VIPR2: variants seen among roughly 807,000 people sequenced by gnomAD.
The protein encoded by VIPR2 is vasoactive intestinal polypeptide receptor 2.
A neutral mutation model predicts 58.0 loss-of-function variants in VIPR2; 48 were observed. That is an observed-to-expected ratio of 0.83 (90% CI 0.66 to 1.05). The LOEUF (loss-of-function observed/expected upper bound fraction) is 1.05, where lower values mean the gene tolerates loss of function less well. Among genes scored for constraint, VIPR2 ranks in the 50% least tolerant of loss-of-function variants. The probability of loss-of-function intolerance (pLI) is 0.00; values close to 1 mark genes in which losing one functional copy is unlikely to be tolerated. For missense variants in VIPR2, 534 were observed against 558.0 expected, an observed-to-expected ratio of 0.96 and a Z score of 0.43; for synonymous variants, 243 against 235.2, an observed-to-expected ratio of 1.03 and a Z score of -0.30.
In VIPR2 at chr7:159,144,806, C is replaced by T. The variant is rs1277017727; in HGVS notation, c.-35G>A. 3 of 1,241,320 alleles carry T rather than the reference C, an allele frequency of 2.4e-6. No homozygotes were observed. Among genetic ancestry groups the T allele is most frequent in the African/African-American group, 1.6e-5 (1 of 64,392 alleles). The allele number at this position is 1,241,320 out of a possible 1,614,324, so 76.9% of individuals were successfully genotyped here. On this transcript the variant is annotated 5_prime_UTR_variant, in exon 1 of 13. Transcript: ENST00000262178. ...AGCGTGCCGGGGGCCGCCCAGCGCCCGCCGCCTCCGTCCTAGGTCCCCGCG... is the reference window on the plus strand; with the variant it reads ...AGCGTGCCGGGGGCCGCCCAGCGCCTGCCGCCTCCGTCCTAGGTCCCCGCG...
intron 10 of VIPR2, among the ~76,000 whole-genome samples, chr7:159,033,302 A>G (rs1853703460): frequency 6.6e-6 from 1 of 152,058 alleles, no homozygotes. Context: ...GGTGGGAGAA[A>G]AGGGAAATGC....
At position 159,083,766 on chromosome 7, in the gene VIPR2, C is replaced by A. The variant is rs79862903; in HGVS notation, c.357+19991G>T. 7.0e-4 allele frequency among the ~76,000 whole-genome samples: 106 copies of A among 152,334 alleles called. 1 individual carries two copies. The East Asian group carries it at 0.017, about 24-fold the overall frequency. The stretch of plus-strand genomic sequence containing the variant: ...GTGACAAGCAACATTTGGAAGAGAA[C>A]CTGTGGTTTTGTGAGGTGTCTGCAC... On this transcript the variant is annotated intron_variant, in intron 4 of 12. Coordinates refer to ENST00000262178, the MANE Select transcript of VIPR2 (RefSeq NM_003382.5).
Position 159,043,082 on chromosome 7 carries a change from A to C in VIPR2, c.550T>G (p.Tyr184Asp). Residue 184 changes from tyrosine (Y) to aspartate (D), a missense_variant, in exon 6 of 13, where the codon TAC becomes GAC. Tyr to Asp is a radical substitution (Grantham distance 160, BLOSUM62 -3). Coordinates refer to ENST00000262178, the MANE Select transcript of VIPR2 (RefSeq NM_003382.5). ...ISVLVKDDVL[Y>D]SSSGTLHCPD... ...CAGTGCAACGTGCCAGAGCTGGAGT[A>C]GAGAACGTCGTCCTTGACCAGCACT... 6.2e-7 allele frequency: 1 copy of C among 1,614,208 alleles called. No individual in the cohort carries two copies.
intron 2 of VIPR2, among the ~76,000 whole-genome samples, chr7:159,131,309 G>A (rs1172895643): frequency 6.6e-6 from 1 of 152,064 alleles, no homozygotes; most frequent in Non-Finnish European, 1.5e-5. Flanking sequence ...CAAAGGAAAA[G>A]TTAAGGATGG....
rs1274271306 is a variant in VIPR2 at position 159,096,429 on chromosome 7, GCT to G, written c.357+7326_357+7327del. Among the ~76,000 whole-genome samples the G allele has an allele frequency of 6.6e-6, 1 of 152,160 alleles. No individual in the cohort carries two copies. Among genetic ancestry groups the G allele is most frequent in the Non-Finnish European group, 1.5e-5 (1 of 68,040 alleles). ...CCTGTGCTGCACATCATCCTGGTGT[GCT>G]CCTCCATCCTTCCACCTTCCTGATC... On this transcript the variant is annotated intron_variant, in intron 4 of 12. Transcript: ENST00000262178. This position sits in a 1 kb window ranked among gnomAD's most constrained non-coding sequence, Gnocchi z 5.5.
At chr7:159,035,862 A>C in intron 8 of VIPR2, 90 bp downstream of exon 8, 7 of 1,532,846 alleles carry the variant, frequency 4.6e-6, no homozygotes, top group Non-Finnish European at 6.2e-6. Context: ...CTGTCCTTCC[A>C]ACCAGGTAAC....
intron 2 of VIPR2, among the ~76,000 whole-genome samples, chr7:159,118,245 C>T (rs537773507): frequency 2.5e-4 from 38 of 152,194 alleles, no homozygotes; most frequent in African/African-American, 7.7e-4. Context: ...CTGCAATCCT[C>T]GCCGCTTCTG....
At chr7:159,063,945 C>T (rs1176475607) in intron 4 of VIPR2, among the ~76,000 whole-genome samples, 1 of 143,178 alleles carries the variant, frequency 7.0e-6, no homozygotes, top group Non-Finnish European at 1.5e-5. Context: ...ATCTGGGGGG[C>T]CTGGCGGGGT....
At chr7:159,129,270 G>A (rs898732958) in intron 2 of VIPR2, among the ~76,000 whole-genome samples, 296 of 125,928 alleles carry the variant, frequency 2.4e-3, no homozygotes, top group African/African-American at 5.2e-3. Flanking sequence ...GCCTCTGGGG[G>A]GGACAGGGCT....
chr7:159,030,714 C>G lies in VIPR2; in HGVS notation c.1219G>C (p.Gly407Arg), dbSNP rs761926470. 6.3e-7 allele frequency: 1 copy of G among 1,593,842 alleles called. No individual in the cohort carries two copies. Among genetic ancestry groups the G allele is most frequent in the East Asian group, 2.3e-5 (1 of 43,916 alleles). The part of the protein sequence containing the change: ...PSASRDYRVC[G>R]SSFSRNGSEG... ...GAGCCGTTGCGGGAGAAGGAGGAACCGCAGACCCTGTAATCCCGGCTCGCG... is the reference window on the plus strand; with the variant it reads ...GAGCCGTTGCGGGAGAAGGAGGAACGGCAGACCCTGTAATCCCGGCTCGCG... The change falls in exon 13 of 13, where the codon GGT (glycine) becomes CGT (arginine). Residue 407 changes from glycine (G) to arginine (R), a missense_variant. Coordinates refer to ENST00000262178, the MANE Select transcript of VIPR2 (RefSeq NM_003382.5).
intron 4 of VIPR2, among the ~76,000 whole-genome samples, chr7:159,063,105 C>T (rs1409093242): frequency 2.0e-5 from 3 of 152,226 alleles, no homozygotes; most frequent in African/African-American, 7.2e-5. Context: ...TGCACCGGGC[C>T]GCAGGCGGAG....
At chr7:159,138,634 A>C (rs553633929) in intron 2 of VIPR2, among the ~76,000 whole-genome samples, 134 of 152,380 alleles carry the variant, frequency 8.8e-4, no homozygotes, top group African/African-American at 3.2e-3. Context: ...CTGAAATACA[A>C]AACAGAAAAG....
intron 4 of VIPR2, among the ~76,000 whole-genome samples, chr7:159,062,768 C>T (rs549098686): frequency 6.6e-6 from 1 of 152,186 alleles, no homozygotes; most frequent in Non-Finnish European, 1.5e-5. Context: ...AGGCTCCGGC[C>T]GCCTGCTTTT....
At chr7:159,094,494 G>C (rs1274403844) in intron 4 of VIPR2, among the ~76,000 whole-genome samples, 1 of 152,236 alleles carries the variant, frequency 6.6e-6, no homozygotes, top group Non-Finnish European at 1.5e-5. Flanking sequence ...CACGTGCACA[G>C]GCACCGGAGA....
At chr7:159,043,243 C>G (rs958622825) in intron 5 of VIPR2, 67 bp from the exon 6 acceptor site, 3 of 1,399,084 alleles carry the variant, frequency 2.1e-6, no homozygotes, top group Admixed American at 2.1e-5. Flanking sequence ...GAGAACCAGA[C>G]AGAGATGAGA....
In VIPR2 at chr7:159,031,317, G is replaced by C. The variant is rs1430012405; in HGVS notation, c.1143+511C>G. On this transcript the variant is annotated intron_variant, in intron 12 of 12. Transcript: ENST00000262178. The surrounding 1 kb of genome is among the most constrained non-coding windows in gnomAD (Gnocchi z 4.0). ...AAGAAAGCGCCAGCAACCGCAGCGTGGGGCGGGAGGGTCAGGGGTCAGGGG... is the reference window on the plus strand; with the variant it reads ...AAGAAAGCGCCAGCAACCGCAGCGTCGGGCGGGAGGGTCAGGGGTCAGGGG... Among the ~76,000 whole-genome samples the C allele has an allele frequency of 6.6e-6, 1 of 152,144 alleles. No homozygotes were observed. Among genetic ancestry groups the C allele is most frequent in the Non-Finnish European group, 1.5e-5 (1 of 68,022 alleles).
At chr7:159,039,007 T>C (rs1441382433) in intron 6 of VIPR2, among the ~76,000 whole-genome samples, 1 of 152,072 alleles carries the variant, frequency 6.6e-6, no homozygotes, top group Non-Finnish European at 1.5e-5. Flanking sequence ...TGCCCTGGAG[T>C]GTGCATGAGA....
intron 2 of VIPR2, among the ~76,000 whole-genome samples, chr7:159,118,647 C>A (rs570622298): frequency 2.6e-5 from 4 of 152,380 alleles, no homozygotes; most frequent in Admixed American, 2.0e-4. Flanking sequence ...CCAGCCCAGA[C>A]AGAGATGCAT....
chr7:159,030,680 G>T lies in VIPR2; in HGVS notation c.1253C>A (p.Ala418Asp). ...SSFSRNGSEGALQFHRGSRAQ... is the reference protein window; with the variant it reads ...SSFSRNGSEGDLQFHRGSRAQ... ...GCGGGAGCCGCGGTGGAACTGCAGGGCGCCCTCCGAGCCGTTGCGGGAGAA... is the reference window on the plus strand; with the variant it reads ...GCGGGAGCCGCGGTGGAACTGCAGGTCGCCCTCCGAGCCGTTGCGGGAGAA... The change falls in exon 13 of 13, where the codon GCC (alanine) becomes GAC (aspartate). Residue 418 changes from alanine to aspartate, a missense_variant. Transcript: ENST00000262178. The T allele has an allele frequency of 6.4e-7, 1 of 1,569,492 alleles. No homozygotes were observed. The highest frequency in any genetic ancestry group is 8.6e-7 in the Non-Finnish European group (1 of 1,158,828).
Sources: gnomAD v4.1 joint callset for allele counts (sites outside exome capture counted in the v4.1 genomes callset) on GRCh38, gnomAD v4.1.1 for gene constraint, Gnocchi (gnomAD v3.1) non-coding constraint, MANE v1.5 for transcripts, NCBI Gene and HGNC (gene_info 2026-07-23, HGNC 2026-07-21) for gene names.